The following BPTF variants were observed in gnomAD, a reference collection of about 807,000 sequenced individuals.
The protein encoded by BPTF is nucleosome-remodeling factor subunit BPTF.
Under a neutral mutation model 292.5 loss-of-function variants are expected in BPTF, and 18 were observed. That is an observed-to-expected ratio of 0.06 (90% CI 0.04 to 0.09). The LOEUF (loss-of-function observed/expected upper bound fraction) is 0.09. BPTF is among the 10% of genes least tolerant of loss of function. The pLI is 1.00. For missense variants in BPTF, 2,726 were observed against 3,498.7 expected, an observed-to-expected ratio of 0.78 and a Z score of 5.57; for synonymous variants, 1,225 against 1,251.9, an observed-to-expected ratio of 0.98 and a Z score of 0.45.
rs538387023 is a variant in BPTF, at chr17:67,911,920, G to C, written c.4036G>C (p.Glu1346Gln). The C allele has an allele frequency of 1.9e-6, 3 of 1,614,052 alleles. No individual in the cohort carries two copies. The East Asian group carries it at 6.7e-5, about 36-fold the overall frequency. Residue 1346 changes from glutamate to glutamine, a missense_variant, in exon 11 of 28, where the codon GAG (glutamate) becomes CAG (glutamine). Glu to Gln is a conservative substitution (Grantham distance 29). Coordinates refer to ENST00000306378, the MANE Select transcript of BPTF (RefSeq NM_182641.4). ...TTCTGGTGAGTCCACTGGAAACTGT[G>C]AGGACAGGCTGCCGGTCAAGGGGAC... ...LVSGESTGNC[E>Q]DRLPVKGTEA...
intron 10 of BPTF, 58 bp downstream of exon 10, chr17:67,909,819 G>T: frequency 2.9e-6 from 4 of 1,370,818 alleles, no homozygotes; most frequent in East Asian, 5.0e-5. Flanking sequence ...ACTGGATCAG[G>T]GTCCCACCAC....
intron 2 of BPTF, among the ~76,000 whole-genome samples, chr17:67,866,171 C>T (rs1214775581): frequency 6.6e-6 from 1 of 152,102 alleles, no homozygotes; most frequent in Non-Finnish European, 1.5e-5. Context: ...TTCTTCTCAT[C>T]ATATTGTTAC....
chr17:67,957,589 G>A (rs1598913596), intron 23 of BPTF, among the ~76,000 whole-genome samples: 2 of 152,072 alleles, frequency 1.3e-5, no homozygotes, highest in African/African-American at 4.8e-5. Context: ...TATTCTTATG[G>A]CCGGGTGTAA....
chr17:67,923,010 C>G lies in BPTF; in HGVS notation c.5708+20C>G. 6.3e-7 allele frequency: 1 copy of G among 1,596,144 alleles called. No individual in the cohort carries two copies. The highest frequency in any genetic ancestry group is 2.2e-5 in the East Asian group (1 of 44,688). On this transcript the variant is annotated intron_variant, in intron 14 of 27. Transcript: ENST00000306378. ...TGAGAGGTAAGGAAATGGTTAATAC[C>G]TGGTCAGCTATTTGAAGATTTTATC...
intron 1 of BPTF, among the ~76,000 whole-genome samples, chr17:67,844,917 A>AT (rs1268937080): frequency 6.6e-6 from 1 of 151,824 alleles, no homozygotes; most frequent in Non-Finnish European, 1.5e-5. Context: ...CTAATTTTGT[A>AT]TTTTTAGTAG....
intron 1 of BPTF, 124 bp downstream of exon 1, chr17:67,826,461 G>A: frequency 1.9e-6 from 2 of 1,072,366 alleles, no homozygotes; most frequent in Non-Finnish European, 2.5e-6. Context: ...CCCAAACAGA[G>A]GGGAAATGCG....
chr17:67,826,933 G>A (rs2056124541), intron 1 of BPTF, among the ~76,000 whole-genome samples: 1 of 152,142 alleles, frequency 6.6e-6, no homozygotes, highest in African/African-American at 2.4e-5. Flanking sequence ...AACCTTATCT[G>A]GTCCTGTGTG....
In BPTF at chr17:67,854,751, A is replaced by G; in HGVS notation, c.1425A>G (p.Arg475=). Residue 475 remains arginine (R), a synonymous_variant, in exon 2 of 28, where the codon CGA becomes CGG. Transcript: ENST00000306378. This position sits in a 1 kb window ranked among gnomAD's most constrained non-coding sequence, Gnocchi z 5.6. Reference sequence around the variant, plus strand: ...GGAGGAAATACTGGTTCTTGAACCGAAGACTCATAATGTAAGTAAATCTGG... The same window carrying G: ...GGAGGAAATACTGGTTCTTGAACCGGAGACTCATAATGTAAGTAAATCTGG... ...RSRRKYWFLN[R]RLIIEEDTEN... is the part of the protein sequence containing the mutation. 6.2e-7 allele frequency: 1 copy of G among 1,611,342 alleles called. No homozygotes were observed. The highest frequency in any genetic ancestry group is 8.5e-7 in the Non-Finnish European group (1 of 1,177,750).
At position 67,937,372 on chromosome 17, in the gene BPTF, G is replaced by A. The variant is rs558173070; in HGVS notation, c.6260-3067G>A. On this transcript the variant is annotated intron_variant, in intron 18 of 27. Coordinates refer to ENST00000306378, the MANE Select transcript of BPTF (RefSeq NM_182641.4). ...CTCGGGAGGCTGAGGCAGGAGAATCGGACTTTGTCAAAAAAAAAAAAGAAA... is the reference window on the plus strand; with the variant it reads ...CTCGGGAGGCTGAGGCAGGAGAATCAGACTTTGTCAAAAAAAAAAAAGAAA... 2.3e-3 allele frequency among the ~76,000 whole-genome samples: 329 copies of A among 142,560 alleles called. 1 individual carries two copies. The highest frequency in any genetic ancestry group is 9.2e-3 in the African/African-American group (304 of 33,034). The allele number at this position is 142,560 out of a possible 152,430, so 93.5% of individuals were successfully genotyped here. A position where few individuals can be genotyped will look rare whatever the true frequency, so the allele number is the denominator to read the frequency against.
At chr17:67,873,226 G>A (rs1410602889) in intron 3 of BPTF, among the ~76,000 whole-genome samples, 1 of 152,190 alleles carries the variant, frequency 6.6e-6, no homozygotes, top group African/African-American at 2.4e-5. Flanking sequence ...GTGAGGCTGA[G>A]GTGGGCGGAT....
At chr17:67,851,264 A>AT (rs2058383229) in intron 1 of BPTF, among the ~76,000 whole-genome samples, 1 of 138,890 alleles carries the variant, frequency 7.2e-6, no homozygotes, top group Non-Finnish European at 1.5e-5. Context: ...TGTTTTTGCG[A>AT]TTTTCTGCTT....
At chr17:67,926,021 T>TTTTTTTTTA in intron 15 of BPTF, among the ~76,000 whole-genome samples, 1 of 136,904 alleles carries the variant, frequency 7.3e-6, no homozygotes, top group African/African-American at 3.0e-5. Flanking sequence ...TTTTTTTTTT[T>TTTTTTTTTA]TGAGACAAGG....
At chr17:67,910,771 G>A (rs920463413) in intron 10 of BPTF, 106 bp from the exon 11 acceptor site, 25 of 827,250 alleles carry the variant, frequency 3.0e-5, no homozygotes, top group South Asian at 9.0e-5. Context: ...CTGCACTCCA[G>A]CCTGGGCAAC....
chr17:67,921,131 G>T (rs901088267), intron 13 of BPTF, among the ~76,000 whole-genome samples: 1 of 147,852 alleles, frequency 6.8e-6, no homozygotes, highest in Admixed American at 7.0e-5. Flanking sequence ...AATTGCTTGA[G>T]CCTGGGAAGT....
chr17:67,893,335 CATAA>C lies in BPTF; in HGVS notation c.2056-30_2056-27del, dbSNP rs761545241. The C allele has an allele frequency of 1.3e-4, 163 of 1,264,848 alleles. 1 individual carries two copies. The East Asian group carries it at 3.6e-3, about 28-fold the overall frequency. 78.4% of individuals were successfully genotyped at this position (1,264,848 alleles called of 1,614,324 possible). A position where few individuals can be genotyped will look rare whatever the true frequency, so the allele number is the denominator to read the frequency against. On this transcript the variant is annotated intron_variant, in intron 5 of 27. Transcript: ENST00000306378. ...AGATGAAATTCACATCTTTGATTGA[CATAA>C]ATAATGCAGTCTTTTTATTTTTTTG...
chr17:67,913,287 A>G lies in BPTF; in HGVS notation c.5303+100A>G, dbSNP rs1019620142. On this transcript the variant is annotated intron_variant, in intron 11 of 27. Coordinates refer to ENST00000306378, the MANE Select transcript of BPTF (RefSeq NM_182641.4). ...TAAAAAATGAGATAATAGAGATAAG[A>G]CAGGAAACATATTAATGGCCAAAGA... The G allele has an allele frequency of 2.8e-6, 4 of 1,452,568 alleles. No homozygotes were observed. In the Admixed American group the frequency reaches 9.7e-5, roughly 35 times the overall value. 90.0% of individuals were successfully genotyped at this position (1,452,568 alleles called of 1,614,324 possible).
chr17:67,939,960 C>G (rs1418759105), intron 18 of BPTF, among the ~76,000 whole-genome samples: 3 of 152,232 alleles, frequency 2.0e-5, no homozygotes, highest in Non-Finnish European at 2.9e-5. Flanking sequence ...CTCTCCCAAG[C>G]TATCTGTCAA....
intron 4 of BPTF, among the ~76,000 whole-genome samples, chr17:67,888,171 TG>T (rs2060864733): frequency 6.6e-6 from 1 of 152,244 alleles, no homozygotes; most frequent in African/African-American, 2.4e-5. Flanking sequence ...AAAATGGTTC[TG>T]CCTAATATAA....
In BPTF at chr17:67,984,331, A is replaced by G. The variant is rs1295550947; in HGVS notation, c.*2043A>G. 6.6e-6 allele frequency: 1 copy of G among 152,604 alleles called. No individual in the cohort carries two copies. The highest frequency in any genetic ancestry group is 1.5e-5 in the Non-Finnish European group (1 of 68,030). 9.5% of individuals were successfully genotyped at this position (152,604 alleles called of 1,614,324 possible). A position where few individuals can be genotyped will look rare whatever the true frequency, so the allele number is the denominator to read the frequency against. ...CTAAACAGCAATTCTTTTGTACGTA[A>G]TAGGACATTTCATCCTAGAAAAATA... On this transcript the variant is annotated 3_prime_UTR_variant, in exon 28 of 28. Coordinates refer to ENST00000306378, the MANE Select transcript of BPTF (RefSeq NM_182641.4).
Sources: gnomAD v4.1 joint callset for allele counts (sites outside exome capture counted in the v4.1 genomes callset) on GRCh38, gnomAD v4.1.1 for gene constraint, Gnocchi (gnomAD v3.1) non-coding constraint, MANE v1.5 for transcripts, NCBI Gene and HGNC (gene_info 2026-07-23, HGNC 2026-07-21) for gene names.